TPRA1: variants seen among roughly 807,000 people sequenced by gnomAD.
TPRA1 encodes the protein transmembrane protein adipocyte-associated 1.
In TPRA1, 28 loss-of-function variants were observed where a neutral mutation model predicts 40.1. The observed-to-expected ratio is 0.70, with a 90% CI of 0.52 to 0.96. The LOEUF is 0.96. Among genes scored for constraint, TPRA1 ranks in the 40% least tolerant of loss-of-function variants. The probability of loss-of-function intolerance (pLI) is 0.00; values close to 1 mark genes in which losing one functional copy is unlikely to be tolerated. For synonymous variants in TPRA1, 219 were observed against 209.7 expected (o/e 1.04, Z -0.38); for missense variants, 441 against 482.6 (o/e 0.91, Z 0.81).
chr3:127,591,127 C>A (rs2074159908), upstream of TPRA1: 1 of 152,156 alleles, frequency 6.6e-6, no homozygotes, highest in Non-Finnish European at 1.5e-5. Context: ...CGGGGACCGC[C>A]CCCTCGCGTG....
chr3:127,574,640 C>A (rs905290972), intron 10 of TPRA1, among the ~76,000 whole-genome samples: 1 of 152,218 alleles, frequency 6.6e-6, no homozygotes, highest in Non-Finnish European at 1.5e-5. Flanking sequence ...GTCTGGCACA[C>A]AGTAGGTGCT....
intron 1 of TPRA1, among the ~76,000 whole-genome samples, chr3:127,582,679 G>C (rs1265004470): frequency 6.8e-6 from 1 of 146,004 alleles, no homozygotes; most frequent in Non-Finnish European, 1.5e-5. Flanking sequence ...TCCAGCCTGG[G>C]CAACAGGGCA....
chr3:127,589,531 G>A (rs2074102885), intron 1 of TPRA1, among the ~76,000 whole-genome samples: 1 of 152,134 alleles, frequency 6.6e-6, no homozygotes, highest in Non-Finnish European at 1.5e-5. Flanking sequence ...GGGCTGGCAG[G>A]CGTGTGGTCC....
chr3:127,588,771 T>G (rs1201769367), intron 1 of TPRA1, among the ~76,000 whole-genome samples: 1 of 152,232 alleles, frequency 6.6e-6, no homozygotes, highest in Non-Finnish European at 1.5e-5. Context: ...GCAGACATGG[T>G]GCTCAGTGCT....
chr3:127,595,122 C>T (rs535313989), upstream of TPRA1, among the ~76,000 whole-genome samples: 1 of 152,356 alleles, frequency 6.6e-6, no homozygotes, highest in South Asian at 2.1e-4. Context: ...AAGTAACATC[C>T]AACCACATCT....
intron 1 of TPRA1, among the ~76,000 whole-genome samples, chr3:127,589,429 G>T (rs952376811): frequency 6.6e-6 from 1 of 152,184 alleles, no homozygotes; most frequent in African/African-American, 2.4e-5. Flanking sequence ...TGGTGAGAAG[G>T]GGTGGAGCCC....
In TPRA1 at chr3:127,576,298, T is replaced by C. The variant is rs2073621749; in HGVS notation, c.499-248A>G. 6.6e-6 allele frequency among the ~76,000 whole-genome samples: 1 copy of C among 152,058 alleles called. No homozygotes were observed. The highest frequency in any genetic ancestry group is 6.5e-5 in the Admixed American group (1 of 15,286). On this transcript the variant is annotated intron_variant, in intron 6 of 10. Coordinates refer to ENST00000355552, the MANE Select transcript of TPRA1 (RefSeq NM_001136053.4). The surrounding 1 kb of genome is among the most constrained non-coding windows in gnomAD (Gnocchi z 4.6). ...GGGGGCAGAGATGGACAAGGTGCAG[T>C]CCCTGCCCCCAATCTAAGAAAGGGG... is the stretch of plus-strand genomic sequence containing the variant.
Position 127,573,172 on chromosome 3 carries a change from A to C in TPRA1, c.*349T>G. 4.4e-6 allele frequency: 1 copy of C among 225,170 alleles called. No homozygotes were observed. The allele number at this position is 225,170 out of a possible 1,614,324, so 13.9% of individuals were successfully genotyped here. On this transcript the variant is annotated 3_prime_UTR_variant, in exon 11 of 11. Transcript: ENST00000355552. ...TTGAGGAGGCCAAAGCACCATGGGG[A>C]TGGGATGGAGGCATTGGGAGAGCCA...
chr3:127,594,866 G>A (rs2074226434), upstream of TPRA1: 1 of 152,446 alleles, frequency 6.6e-6, no homozygotes, highest in Non-Finnish European at 1.5e-5. Context: ...GGTGGAACCA[G>A]AATGGGGAGG....
At chr3:127,585,087 C>T (rs1043805628) in intron 1 of TPRA1, among the ~76,000 whole-genome samples, 1 of 152,156 alleles carries the variant, frequency 6.6e-6, no homozygotes, top group African/African-American at 2.4e-5. Flanking sequence ...TAAAAATAAT[C>T]TATTTTATTA....
Position 127,575,921 on chromosome 3 carries a change from G to T in TPRA1, c.609+19C>A. ...CCCTAAGGCCCCAGCCACCCCAGCT[G>T]CCCCAGCCTGAACCTCACCAGGAAG... On this transcript the variant is annotated intron_variant, in intron 7 of 10. Coordinates refer to ENST00000355552, the MANE Select transcript of TPRA1 (RefSeq NM_001136053.4). 6.2e-7 allele frequency: 1 copy of T among 1,613,096 alleles called. No homozygotes were observed. Among genetic ancestry groups the T allele is most frequent in the Admixed American group, 1.7e-5 (1 of 60,028 alleles).
chr3:127,575,079 C>T, intron 10 of TPRA1, 106 bp downstream of exon 10: 1 of 1,233,690 alleles, frequency 8.1e-7, no homozygotes, highest in Non-Finnish European at 1.2e-6. Context: ...TGCGCATGCG[C>T]ACTGTATGCA....
chr3:127,580,965 A>C (rs574370037), intron 1 of TPRA1, among the ~76,000 whole-genome samples: 1 of 152,188 alleles, frequency 6.6e-6, no homozygotes, highest in African/African-American at 2.4e-5. Context: ...AGAGGTCCAC[A>C]TGACACTCTG....
chr3:127,597,275 T>C (rs2074253516), intron 1 of TPRA1, among the ~76,000 whole-genome samples: 1 of 152,200 alleles, frequency 6.6e-6, no homozygotes, highest in African/African-American at 2.4e-5. Context: ...TCACTAAGGC[T>C]GCCTGGAACT....
At position 127,576,949 on chromosome 3, in the gene TPRA1, G is replaced by C; in HGVS notation, c.345+41C>G. On this transcript the variant is annotated intron_variant, in intron 4 of 10. Transcript: ENST00000355552. This position sits in a 1 kb window ranked among gnomAD's most constrained non-coding sequence, Gnocchi z 4.6. ...GGACCAGCATCCCCAGCCCACCCCA[G>C]GCCAGGCCTCCCTGGCCTCCCTCAG... The C allele has an allele frequency of 1.2e-6, 2 of 1,613,558 alleles. No homozygotes were observed. The highest frequency in any genetic ancestry group is 8.5e-7 in the Non-Finnish European group (1 of 1,179,912).
rs1395752148 is a variant in TPRA1 at position 127,576,957 on chromosome 3, C to T, written c.345+33G>A. The stretch of plus-strand genomic sequence containing the variant: ...ATCCCCAGCCCACCCCAGGCCAGGC[C>T]TCCCTGGCCTCCCTCAGAGGGCCCA... On this transcript the variant is annotated intron_variant, in intron 4 of 10. Transcript: ENST00000355552. This position sits in a 1 kb window ranked among gnomAD's most constrained non-coding sequence, Gnocchi z 4.6. 2 of 1,612,800 alleles carry T rather than the reference C, an allele frequency of 1.2e-6. No homozygotes were observed. Among genetic ancestry groups the T allele is most frequent in the African/African-American group, 2.7e-5 (2 of 74,924 alleles).
At chr3:127,596,855 G>A (rs371407778) in intron 1 of TPRA1, among the ~76,000 whole-genome samples, 1 of 152,150 alleles carries the variant, frequency 6.6e-6, no homozygotes, top group Non-Finnish European at 1.5e-5. Flanking sequence ...GGTGGCTCAC[G>A]CCTGTAATCC....
At chr3:127,573,897 G>T in intron 10 of TPRA1, 109 bp from the exon 11 acceptor site, 1 of 1,375,760 alleles carries the variant, frequency 7.3e-7, no homozygotes. Context: ...ACCAACAGTC[G>T]CCTGACACCC....
rs913205807 is a variant in TPRA1, at chr3:127,586,909, T to G, written c.-18+3501A>C. ...AGAGTCCAGGGTATGGAGGGCGGGGTGGGCTTCTGGTTTTGCCTGCCCAGC... is the reference window on the plus strand; with the variant it reads ...AGAGTCCAGGGTATGGAGGGCGGGGGGGGCTTCTGGTTTTGCCTGCCCAGC... On this transcript the variant is annotated intron_variant, in intron 1 of 10. Coordinates refer to ENST00000355552, the MANE Select transcript of TPRA1 (RefSeq NM_001136053.4). Among the ~76,000 whole-genome samples, 7 of 151,948 alleles carry G rather than the reference T, an allele frequency of 4.6e-5. No homozygotes were observed. The South Asian group carries it at 1.2e-3, about 27-fold the overall frequency.
Sources: allele counts gnomAD v4.1 joint callset (sites outside exome capture counted in the v4.1 genomes callset), GRCh38; gene constraint gnomAD v4.1.1; non-coding constraint Gnocchi (gnomAD v3.1); transcripts MANE v1.5; gene names NCBI Gene and HGNC (gene_info 2026-07-23, HGNC 2026-07-21).